Variants in AGBL1 observed in about 807,000 individuals in gnomAD.
AGBL1 encodes the protein cytosolic carboxypeptidase 4.
AGBL1 carries 130 observed loss-of-function variants against 118.9 expected under a neutral mutation model. That is an observed-to-expected ratio of 1.09 (90% CI 0.95 to 1.26). The LOEUF (loss-of-function observed/expected upper bound fraction) is 1.26, where lower values mean the gene tolerates loss of function less well. Ranked by LOEUF, AGBL1 falls within the 50% of genes most tolerant of loss-of-function variation. The pLI, the probability that AGBL1 is intolerant of heterozygous loss-of-function variation, is 0.00. For synonymous variants in AGBL1, 555 were observed against 478.9 expected (o/e 1.16, Z -2.08); for missense variants, 1,584 against 1,298.1 (o/e 1.22, Z -3.38).
At chr15:86,744,149 A>G (rs1033343586) in intron 22 of AGBL1, among the ~76,000 whole-genome samples, 1 of 152,148 alleles carries the variant, frequency 6.6e-6, no homozygotes, top group Non-Finnish European at 1.5e-5. Flanking sequence ...AAACACAAAC[A>G]TTTCCAATGA....
chr15:86,781,468 G>C (rs1274231017), intron 22 of AGBL1, among the ~76,000 whole-genome samples: 1 of 152,098 alleles, frequency 6.6e-6, no homozygotes, highest in Non-Finnish European at 1.5e-5. Context: ...TATTCTGAGT[G>C]CATGACCCAT....
chr15:86,354,282 G>C (rs2080678325), intron 17 of AGBL1, among the ~76,000 whole-genome samples: 1 of 152,208 alleles, frequency 6.6e-6, no homozygotes, highest in African/African-American at 2.4e-5. Context: ...TAAGTGGAGG[G>C]CCAGTGCAGT....
At chr15:86,230,234 G>A (rs974381494) in intron 6 of AGBL1, among the ~76,000 whole-genome samples, 3 of 152,166 alleles carry the variant, frequency 2.0e-5, no homozygotes, top group African/African-American at 7.2e-5. Flanking sequence ...ATAGTCTCAG[G>A]AGTCGTCTGC....
intron 17 of AGBL1, among the ~76,000 whole-genome samples, chr15:86,331,952 G>A (rs2080276840): frequency 6.6e-6 from 1 of 152,154 alleles, no homozygotes; most frequent in African/African-American, 2.4e-5. Context: ...AGTTGTCTAA[G>A]TGCCCCACTT....
chr15:86,202,642 T>C (rs890733343), intron 5 of AGBL1, among the ~76,000 whole-genome samples: 1 of 152,108 alleles, frequency 6.6e-6, no homozygotes, highest in Non-Finnish European at 1.5e-5. Context: ...ATGTTGGGGG[T>C]AATGTTTTAT....
intron 22 of AGBL1, among the ~76,000 whole-genome samples, chr15:86,676,801 C>A (rs1458374691): frequency 6.6e-6 from 1 of 152,050 alleles, no homozygotes; most frequent in Non-Finnish European, 1.5e-5. Flanking sequence ...CAAAGGTCTG[C>A]CCTAAAGAAC....
chr15:86,823,555 T>C (rs1247423415), intron 22 of AGBL1, among the ~76,000 whole-genome samples: 3 of 152,306 alleles, frequency 2.0e-5, no homozygotes, highest in African/African-American at 7.2e-5. Flanking sequence ...ACAGCCTTGC[T>C]CTAGGAAATA....
chr15:86,611,875 A>G (rs1476094003), intron 21 of AGBL1, among the ~76,000 whole-genome samples: 1 of 152,194 alleles, frequency 6.6e-6, no homozygotes, highest in African/African-American at 2.4e-5. Context: ...CAAGACTGCC[A>G]AGAAAGTTAA....
chr15:86,120,774 C>T (rs1240855128), intron 1 of AGBL1, among the ~76,000 whole-genome samples: 1 of 152,154 alleles, frequency 6.6e-6, no homozygotes, highest in East Asian at 1.9e-4. Context: ...TCTAGAAATA[C>T]CCCTTTGGCA....
At chr15:86,784,071 A>G (rs1320777413) in intron 22 of AGBL1, among the ~76,000 whole-genome samples, 1 of 152,220 alleles carries the variant, frequency 6.6e-6, no homozygotes, top group Non-Finnish European at 1.5e-5. Context: ...GCAATTTTGC[A>G]CAATCTCTTA....
intron 23 of AGBL1, among the ~76,000 whole-genome samples, chr15:86,969,841 C>A (rs929793925): frequency 6.6e-6 from 1 of 151,930 alleles, no homozygotes. Context: ...TTAACCAAAT[C>A]AGGAGCTGGT....
chr15:86,871,988 G>A (rs1209909794), intron 22 of AGBL1, among the ~76,000 whole-genome samples: 2 of 152,162 alleles, frequency 1.3e-5, no homozygotes, highest in Admixed American at 6.5e-5. Flanking sequence ...AAACCCTGTG[G>A]TATTCATATC....
intron 1 of AGBL1, among the ~76,000 whole-genome samples, chr15:86,090,733 C>A (rs563526290): frequency 1.3e-5 from 2 of 152,228 alleles, no homozygotes; most frequent in South Asian, 4.1e-4. Context: ...CCAAACTTTT[C>A]TTTAATGGAT....
At chr15:86,735,695 T>TGG (rs2077585589) in intron 22 of AGBL1, among the ~76,000 whole-genome samples, 1 of 150,848 alleles carries the variant, frequency 6.6e-6, no homozygotes, top group East Asian at 2.0e-4. Context: ...ACTGTCTCTC[T>TGG]GGGTCTCTTT....
At chr15:86,380,691 C>T (rs2081102684) in intron 17 of AGBL1, among the ~76,000 whole-genome samples, 1 of 152,070 alleles carries the variant, frequency 6.6e-6, no homozygotes, top group Non-Finnish European at 1.5e-5. Context: ...CCATTAACTT[C>T]CCGTTCATTT....
intron 18 of AGBL1, among the ~76,000 whole-genome samples, chr15:86,451,934 T>TA (rs1342779544): frequency 2.6e-5 from 4 of 152,124 alleles, no homozygotes; most frequent in Admixed American, 6.5e-5. Context: ...TTCAAGACCG[T>TA]AAAAAAATCT....
intron 5 of AGBL1, among the ~76,000 whole-genome samples, chr15:86,184,855 T>C (rs1280292183): frequency 1.3e-5 from 2 of 152,078 alleles, no homozygotes; most frequent in Non-Finnish European, 2.9e-5. Context: ...AGAACAGAAC[T>C]GGAGGCATCA....
chr15:86,795,792 G>T (rs968508847), intron 22 of AGBL1, among the ~76,000 whole-genome samples: 5 of 151,218 alleles, frequency 3.3e-5, no homozygotes, highest in South Asian at 2.1e-4. Context: ...CACCATGTTG[G>T]CCAGGCTGGT....
intron 17 of AGBL1, among the ~76,000 whole-genome samples, chr15:86,367,683 G>A (rs570171914): frequency 2.6e-5 from 4 of 152,278 alleles, no homozygotes; most frequent in African/African-American, 7.2e-5. Context: ...CGTAGTATGT[G>A]AAGCTCAGCT....
Sources: allele counts gnomAD v4.1 joint callset (sites outside exome capture counted in the v4.1 genomes callset), GRCh38; gene constraint gnomAD v4.1.1; transcripts MANE v1.5; gene names NCBI Gene and HGNC (gene_info 2026-07-23, HGNC 2026-07-21).